Variants in HIPK2 observed in about 807,000 individuals in gnomAD.
The protein encoded by HIPK2 is homeodomain interacting protein kinase 2.
Under a neutral mutation model 113.7 loss-of-function variants are expected in HIPK2, and 27 were observed. That is an observed-to-expected ratio of 0.24 (90% CI 0.17 to 0.33). HIPK2 has a LOEUF of 0.33. Ranked by LOEUF, HIPK2 falls within the 10% of genes least tolerant of loss-of-function variation. The pLI, the probability that HIPK2 is intolerant of heterozygous loss-of-function variation, is 1.00. For synonymous variants in HIPK2, 631 were observed against 642.2 expected, an observed-to-expected ratio of 0.98 and a Z score of 0.26; for missense variants, 1,257 against 1,588.0, an observed-to-expected ratio of 0.79 and a Z score of 3.54.
intron 1 of HIPK2, chr7:139,777,132 C>G (rs919967905): frequency 6.6e-6 from 1 of 152,154 alleles, no homozygotes; most frequent in Non-Finnish European, 1.5e-5. Flanking sequence ...ATTCCACAGC[C>G]CCCCCAAAAT....
Position 139,561,710 on chromosome 7 carries a change from G to GA in HIPK2, c.*11216dup. The GA allele has an allele frequency of 6.6e-6, 1 of 151,780 alleles. No homozygotes were observed. 9.4% of individuals were successfully genotyped at this position (151,780 alleles called of 1,614,324 possible). A position where few individuals can be genotyped will look rare whatever the true frequency, so the allele number is the denominator to read the frequency against. ...CGGAGACCGAAAAAATGATCAAAAA[G>GA]AAACTATGAGTAACAAGCTATAACA... On this transcript the variant is annotated 3_prime_UTR_variant, in exon 15 of 15. Transcript: ENST00000406875.
chr7:139,753,366 C>T (rs549134587), intron 1 of HIPK2, among the ~76,000 whole-genome samples: 9 of 152,184 alleles, frequency 5.9e-5, no homozygotes, highest in Admixed American at 2.6e-4. Flanking sequence ...CCAGCAACCA[C>T]GGGAGCCTTC....
At chr7:139,734,547 C>T (rs1795884392) in intron 1 of HIPK2, among the ~76,000 whole-genome samples, 1 of 152,218 alleles carries the variant, frequency 6.6e-6, no homozygotes, top group Non-Finnish European at 1.5e-5. Flanking sequence ...CCCCTAAATG[C>T]ATTCCCATGC....
rs755296991 is a variant in HIPK2, at chr7:139,716,790, T to G, written c.245A>C (p.Gln82Pro). ...GGTGCTTCCTGGGAAGACGATGGTC[T>G]GCTCGTAAGGTAGGCTTGGGTTTGG... ...PVPNPSLPYE[Q>P]TIVFPGSTGH... The change falls in exon 2 of 15, where the codon CAG (glutamine) becomes CCG (proline). Residue 82 changes from glutamine to proline, a missense_variant. Physicochemically the swap from Gln to Pro is moderately conservative, Grantham distance 76. This residue lies in a region of HIPK2 where 209 missense variants were observed against 237.8 expected (regional missense o/e 0.88). Coordinates refer to ENST00000406875, the MANE Select transcript of HIPK2 (RefSeq NM_022740.5). This position sits in a 1 kb window ranked among gnomAD's most constrained non-coding sequence, Gnocchi z 9.3. 2 of 1,613,938 alleles carry G rather than the reference T, an allele frequency of 1.2e-6. No homozygotes were observed. Among genetic ancestry groups the G allele is most frequent in the South Asian group, 1.1e-5 (1 of 91,076 alleles).
intron 2 of HIPK2, among the ~76,000 whole-genome samples, chr7:139,672,453 A>C (rs1489820533): frequency 2.6e-5 from 4 of 152,338 alleles, no homozygotes; most frequent in African/African-American, 9.6e-5. Context: ...AAGACTTCAA[A>C]AAAAATAATT....
At chr7:139,717,313 T>A (rs1337754686) in intron 1 of HIPK2, among the ~76,000 whole-genome samples, 1 of 152,182 alleles carries the variant, frequency 6.6e-6, no homozygotes, top group African/African-American at 2.4e-5. Context: ...TTTGTAAACA[T>A]TACTTGTGAC....
chr7:139,725,415 G>A (rs1795546770), intron 1 of HIPK2, among the ~76,000 whole-genome samples: 3 of 152,292 alleles, frequency 2.0e-5, no homozygotes, highest in South Asian at 4.2e-4. Flanking sequence ...CCAGCACTGC[G>A]GTCTCTGTAC....
intron 2 of HIPK2, among the ~76,000 whole-genome samples, chr7:139,698,577 C>T (rs1234621033): frequency 2.0e-5 from 3 of 152,280 alleles, no homozygotes; most frequent in Admixed American, 6.5e-5. Flanking sequence ...TTCGTACCAG[C>T]GATGTAAGAG....
At chr7:139,757,706 G>A (rs1277049486) in intron 1 of HIPK2, among the ~76,000 whole-genome samples, 1 of 152,074 alleles carries the variant, frequency 6.6e-6, no homozygotes, top group Non-Finnish European at 1.5e-5. Flanking sequence ...GGTTGAGAAG[G>A]GGGAATGACT....
chr7:139,681,754 C>T (rs923263443), intron 2 of HIPK2, among the ~76,000 whole-genome samples: 4 of 152,160 alleles, frequency 2.6e-5, no homozygotes, highest in African/African-American at 7.2e-5. Flanking sequence ...TCACAGCGTG[C>T]GGAGCCTGGA....
At chr7:139,654,437 T>G (rs2116495870) in intron 2 of HIPK2, among the ~76,000 whole-genome samples, 1 of 152,206 alleles carries the variant, frequency 6.6e-6, no homozygotes. Context: ...TGCTTGAGTC[T>G]GAGAGGTTCA....
Position 139,602,281 on chromosome 7 carries a change from T to C in HIPK2, c.2256-1685A>G, listed in dbSNP as rs562613606. ...AAACTGATATTATGGCTTCTTTATT[T>C]TGTTGTAGCTCTTTCTCCTGTAGAC... On this transcript the variant is annotated intron_variant, in intron 10 of 14. Transcript: ENST00000406875. Among the ~76,000 whole-genome samples, 46 of 152,232 alleles carry C rather than the reference T, an allele frequency of 3.0e-4. 2 individuals are homozygous for C. The South Asian group carries it at 9.5e-3, about 32-fold the overall frequency.
intron 2 of HIPK2, among the ~76,000 whole-genome samples, chr7:139,676,016 T>C (rs757624864): frequency 1.3e-5 from 2 of 152,184 alleles, no homozygotes; most frequent in Non-Finnish European, 2.9e-5. Flanking sequence ...CGTCTCCTGA[T>C]CAAAAGAGAA....
rs1026245245 is a variant in HIPK2, at chr7:139,561,652, T to C, written c.*11275A>G. On this transcript the variant is annotated 3_prime_UTR_variant, in exon 15 of 15. Coordinates refer to ENST00000406875, the MANE Select transcript of HIPK2 (RefSeq NM_022740.5). ...CACATATACAATATGCATATGTGAGTTTACAAATTTTAATTAATAAGTCAT... is the reference window on the plus strand; with the variant it reads ...CACATATACAATATGCATATGTGAGCTTACAAATTTTAATTAATAAGTCAT... The C allele has an allele frequency of 6.6e-6, 1 of 152,018 alleles. No individual in the cohort carries two copies. 9.4% of individuals were successfully genotyped at this position (152,018 alleles called of 1,614,324 possible).
intron 1 of HIPK2, 24 bp from the exon 2 acceptor site, chr7:139,717,039 G>GT (rs1457414694): frequency 1.9e-6 from 3 of 1,591,696 alleles, no homozygotes; most frequent in South Asian, 1.1e-5. Context: ...AAAACGAAAA[G>GT]TAAGTATCGG....
At chr7:139,653,950 C>A (rs977287839) in intron 2 of HIPK2, among the ~76,000 whole-genome samples, 1 of 152,108 alleles carries the variant, frequency 6.6e-6, no homozygotes, top group Non-Finnish European at 1.5e-5. Context: ...CCAGGCTGGT[C>A]TCAAACTCCT....
chr7:139,663,521 C>G (rs2116571434), intron 2 of HIPK2, among the ~76,000 whole-genome samples: 1 of 152,236 alleles, frequency 6.6e-6, no homozygotes, highest in Non-Finnish European at 1.5e-5. Flanking sequence ...GCTGTGTCTA[C>G]TGGTATTTTA....
chr7:139,614,424 T>A lies in HIPK2; in HGVS notation c.1852A>T (p.Thr618Ser). Residue 618 changes from threonine (T) to serine (S), a missense_variant, in exon 8 of 15, where the codon ACA (threonine) becomes TCA (serine). Physicochemically the swap from Thr to Ser is moderately conservative, Grantham distance 58 (BLOSUM62 1). This residue lies in a region of HIPK2 where 862 missense variants were observed against 1,004.3 expected (regional missense o/e 0.86). Coordinates refer to ENST00000406875, the MANE Select transcript of HIPK2 (RefSeq NM_022740.5). ...PEVSILNYPS[T>S]LYQPSAASMA... is the part of the protein sequence containing the mutation. ...GATGCCGCTGAGGGCTGGTAGAGTGTAGATGGGTAGTTTAGTATGGAGACT... is the reference window on the plus strand; with the variant it reads ...GATGCCGCTGAGGGCTGGTAGAGTGAAGATGGGTAGTTTAGTATGGAGACT... 6.4e-7 allele frequency: 1 copy of A among 1,553,112 alleles called. No homozygotes were observed. The highest frequency in any genetic ancestry group is 2.4e-5 in the East Asian group (1 of 41,990).
intron 1 of HIPK2, among the ~76,000 whole-genome samples, chr7:139,752,212 C>A (rs1419667995): frequency 6.6e-6 from 1 of 152,184 alleles, no homozygotes; most frequent in Non-Finnish European, 1.5e-5. Context: ...CTCCTCAGCC[C>A]CCCACCCCAC....
Sources: allele counts gnomAD v4.1 joint callset (sites outside exome capture counted in the v4.1 genomes callset), GRCh38; gene constraint gnomAD v4.1.1; regional missense constraint gnomAD v4.1.1; non-coding constraint Gnocchi (gnomAD v3.1); transcripts MANE v1.5; gene names NCBI Gene and HGNC (gene_info 2026-07-23, HGNC 2026-07-21).